AAK1: variants seen among roughly 807,000 people sequenced by gnomAD.
AAK1 encodes the protein AP2-associated protein kinase 1.
Under a neutral mutation model 116.0 loss-of-function variants are expected in AAK1, and 37 were observed. That is an observed-to-expected ratio of 0.32 (90% confidence interval 0.25 to 0.42). The LOEUF (loss-of-function observed/expected upper bound fraction) is 0.42. AAK1 is among the 10% of genes least tolerant of loss of function. The pLI, the probability that AAK1 is intolerant of heterozygous loss-of-function variation, is 1.00. For synonymous variants in AAK1, 458 were observed against 439.9 expected, an observed-to-expected ratio of 1.04 and a Z score of -0.51; for missense variants, 919 against 1,170.6, an observed-to-expected ratio of 0.79 and a Z score of 3.14.
At position 69,471,732 on chromosome 2, in the gene AAK1, G is replaced by A; in HGVS notation, c.*4137C>T. 1 of 985,416 alleles carries A rather than the reference G, an allele frequency of 1.0e-6. No individual in the cohort carries two copies. Among genetic ancestry groups the A allele is most frequent in the Non-Finnish European group, 1.2e-6 (1 of 829,926 alleles). 61.0% of individuals were successfully genotyped at this position (985,416 alleles called of 1,614,324 possible). On this transcript the variant is annotated 3_prime_UTR_variant, in exon 22 of 22. Transcript: ENST00000409085. ...GGTATCTATAGCATGTATTTATTTA[G>A]CTGAGTGCAGATCCCTCCACATCAT...
Position 69,478,956 on chromosome 2 carries a change from T to C in AAK1, c.2675A>G (p.His892Arg), listed in dbSNP as rs1674973995. 6.2e-7 allele frequency: 1 copy of C among 1,609,718 alleles called. No homozygotes were observed. The highest frequency in any genetic ancestry group is 8.5e-7 in the Non-Finnish European group (1 of 1,176,034). Residue 892 changes from histidine to arginine, a missense_variant, in exon 20 of 22, where the codon CAT becomes CGT. Physicochemically the swap from His to Arg is conservative, Grantham distance 29. Coordinates refer to ENST00000409085, the MANE Select transcript of AAK1 (RefSeq NM_014911.5). ...GAGAAGAAGAAAGCATTTACCTTTATGGACTGGAGCAGAGATTGCTGTGGG... is the reference window on the plus strand; with the variant it reads ...GAGAAGAAGAAAGCATTTACCTTTACGGACTGGAGCAGAGATTGCTGTGGG... ...FAPTAISAPV[H>R]KAAEDSNLIS...
intron 16 of AAK1, among the ~76,000 whole-genome samples, chr2:69,504,072 G>A (rs538747127): frequency 5.3e-5 from 8 of 151,752 alleles, no homozygotes; most frequent in Non-Finnish European, 1.2e-4. Context: ...TTCATTAAGT[G>A]AAAAAATTAG....
intron 13 of AAK1, among the ~76,000 whole-genome samples, chr2:69,512,660 A>C (rs1465804370): frequency 6.6e-6 from 1 of 152,252 alleles, no homozygotes; most frequent in Non-Finnish European, 1.5e-5. Flanking sequence ...CAAAGCTGAG[A>C]AGCTCTATGG....
Position 69,467,681 on chromosome 2 carries a change from G to C in AAK1, c.*8188C>G. 1 of 985,302 alleles carries C rather than the reference G, an allele frequency of 1.0e-6. No homozygotes were observed. Among genetic ancestry groups the C allele is most frequent in the African/African-American group, 1.7e-5 (1 of 57,322 alleles). 61.0% of individuals were successfully genotyped at this position (985,302 alleles called of 1,614,324 possible). On this transcript the variant is annotated 3_prime_UTR_variant, in exon 22 of 22. Transcript: ENST00000409085. ...AACTCAATGATCCCCTTCCCATACT[G>C]ACCCTCTCCCCTCCTATGCAAACCA...
Position 69,514,722 on chromosome 2 carries a change from T to C in AAK1, c.1525A>G (p.Lys509Glu), listed in dbSNP as rs6715776. 2 of 1,605,962 alleles carry C rather than the reference T, an allele frequency of 1.2e-6. No individual in the cohort carries two copies. Among genetic ancestry groups the C allele is most frequent in the South Asian group, 2.2e-5 (2 of 89,942 alleles). The change falls in exon 13 of 22, where the codon AAA becomes GAA. Residue 509 changes from lysine (K) to glutamate (E), a missense_variant. By Grantham distance (56) the Lys-to-Glu change is moderately conservative (BLOSUM62 1). Transcript: ENST00000409085. ...QFQAVHPATQ[K>E]PAIAQFPVVS... The stretch of plus-strand genomic sequence containing the variant: ...ACAGGGAACTGAGCAATTGCTGGTT[T>C]CTGGGTTGCTGGATGTACTGCCTGA...
At chr2:69,488,179 T>TGTGTGTGTGTGTGTGTGTGTG (rs1572887799) in intron 17 of AAK1, among the ~76,000 whole-genome samples, 2 of 151,356 alleles carry the variant, frequency 1.3e-5, no homozygotes, top group African/African-American at 4.9e-5. Context: ...TGTGTGTGTG[T>TGTGTGTGTGTGTGTGTGTGTG]TTGAGGGAGG....
In AAK1 at chr2:69,475,087, A is replaced by C. The variant is rs1389731541; in HGVS notation, c.*782T>G. ...AACAGTTAACATGAAAAGGAATGGC[A>C]ATACTTGGGATTTATATAACGTACA... On this transcript the variant is annotated 3_prime_UTR_variant, in exon 22 of 22. Coordinates refer to ENST00000409085, the MANE Select transcript of AAK1 (RefSeq NM_014911.5). 2.0e-6 allele frequency: 2 copies of C among 985,326 alleles called. No homozygotes were observed. Among genetic ancestry groups the C allele is most frequent in the African/African-American group, 1.8e-5 (1 of 57,056 alleles). The allele number at this position is 985,326 out of a possible 1,614,324, so 61.0% of individuals were successfully genotyped here.
intron 2 of AAK1, among the ~76,000 whole-genome samples, chr2:69,618,268 TAATA>T (rs1674431209): frequency 1.3e-5 from 2 of 151,918 alleles, no homozygotes; most frequent in African/African-American, 2.4e-5. Context: ...TTCAATATAC[TAATA>T]TATAAGTAAA....
At chr2:69,506,597 T>C (rs1676193826) in intron 15 of AAK1, among the ~76,000 whole-genome samples, 1 of 152,216 alleles carries the variant, frequency 6.6e-6, no homozygotes, top group Non-Finnish European at 1.5e-5. Context: ...ACTCCTGGGC[T>C]CAAGTGATTC....
chr2:69,549,084 T>A (rs1328567312), intron 3 of AAK1, among the ~76,000 whole-genome samples: 1 of 151,998 alleles, frequency 6.6e-6, no homozygotes, highest in Non-Finnish European at 1.5e-5. Flanking sequence ...TCTAAACAGG[T>A]AAGGCTGGGC....
In AAK1 at chr2:69,509,448, C is replaced by T; in HGVS notation, c.1789G>A (p.Val597Ile). 1.2e-6 allele frequency: 2 copies of T among 1,613,462 alleles called. No individual in the cohort carries two copies. The highest frequency in any genetic ancestry group is 8.5e-7 in the Non-Finnish European group (1 of 1,179,688). Reference sequence around the variant, plus strand: ...GTCTGAACCTTTGGCTGTTGTCTTACTGGGGCTTGAATCTGCTAGGAAGAG... The same window carrying T: ...GTCTGAACCTTTGGCTGTTGTCTTATTGGGGCTTGAATCTGCTAGGAAGAG... ...PAQEPAIQAPVRQQPKVQTTP... is the reference protein window; with the variant it reads ...PAQEPAIQAPIRQQPKVQTTP... The change falls in exon 14 of 22, where the codon GTA (valine) becomes ATA (isoleucine). Residue 597 changes from valine to isoleucine, a missense_variant. Physicochemically the swap from Val to Ile is conservative, Grantham distance 29. Transcript: ENST00000409085.
At chr2:69,593,161 T>TC (rs1673108949) in intron 2 of AAK1, among the ~76,000 whole-genome samples, 1 of 152,220 alleles carries the variant, frequency 6.6e-6, no homozygotes, top group African/African-American at 2.4e-5. Flanking sequence ...CATCCATTGA[T>TC]CCAACAATTA....
Position 69,479,041 on chromosome 2 carries a change from A to C in AAK1, c.2590T>G (p.Ser864Ala), listed in dbSNP as rs767513194. The C allele has an allele frequency of 1.2e-6, 2 of 1,613,602 alleles. No homozygotes were observed. The highest frequency in any genetic ancestry group is 2.2e-5 in the South Asian group (2 of 91,070). The change falls in exon 20 of 22, where the codon TCC (serine) becomes GCC (alanine). Residue 864 changes from serine to alanine, a missense_variant. By Grantham distance (99) the Ser-to-Ala change is moderately conservative (BLOSUM62 1). This residue lies in a region of AAK1 where 263 missense variants were observed against 285.5 expected (regional missense o/e 0.92). Transcript: ENST00000409085. ...NRTDSLTGED[S>A]LLDCSLLSNP... ...GAGAGCAGAGAGCAATCAAGCAGGG[A>C]ATCTTCCCCGGTGAGAGAATCTGAG... is the stretch of plus-strand genomic sequence containing the variant.
rs1215463167 is a variant in AAK1 at position 69,458,609 on chromosome 2, T to G, written c.*17260A>C. ...TTTTGGCAAAAGGAACTACATTTAC[T>G]CATGCCAAATACCTATGGTCACTTC... On this transcript the variant is annotated 3_prime_UTR_variant, in exon 22 of 22. Transcript: ENST00000409085. 6.6e-6 allele frequency: 1 copy of G among 152,620 alleles called. No homozygotes were observed. Among genetic ancestry groups the G allele is most frequent in the African/African-American group, 2.4e-5 (1 of 41,442 alleles). 9.5% of individuals were successfully genotyped at this position (152,620 alleles called of 1,614,324 possible).
intron 17 of AAK1, among the ~76,000 whole-genome samples, chr2:69,491,242 T>C (rs1675510677): frequency 6.6e-6 from 1 of 152,142 alleles, no homozygotes; most frequent in Non-Finnish European, 1.5e-5. Flanking sequence ...TGGCCCAGCC[T>C]CTTTTCTACC....
Position 69,579,661 on chromosome 2 carries a change from C to A in AAK1, c.164-22683G>T, listed in dbSNP as rs142073048. On this transcript the variant is annotated intron_variant, in intron 2 of 21. Coordinates refer to ENST00000409085, the MANE Select transcript of AAK1 (RefSeq NM_014911.5). ...GGACATGACATGCTCAGTATTTCCCCTACATCTCTGTCCACTTCTTGATCT... is the reference window on the plus strand; with the variant it reads ...GGACATGACATGCTCAGTATTTCCCATACATCTCTGTCCACTTCTTGATCT... 5.3e-4 allele frequency among the ~76,000 whole-genome samples: 80 copies of A among 152,266 alleles called. No homozygotes were observed. In the South Asian group the frequency reaches 8.1e-3, roughly 15 times the overall value.
rs752636813 is a variant in AAK1, at chr2:69,507,516, G to A, written c.2069C>T (p.Ser690Leu). The change falls in exon 15 of 22, where the codon TCA (serine) becomes TTA (leucine). Residue 690 changes from serine to leucine, a missense_variant. Physicochemically the swap from Ser to Leu is moderately radical, Grantham distance 145. This residue lies in a region of AAK1 where 125 missense variants were observed against 184.1 expected (regional missense o/e 0.68). Coordinates refer to ENST00000409085, the MANE Select transcript of AAK1 (RefSeq NM_014911.5). ...AAAGGGATTCCACGTAGACCCTTCT[G>A]AAGGATTATAAACGTTTTGTTGAGA... ...RTSQQNVYNP[S>L]EGSTWNPFDD... 7.4e-6 allele frequency: 12 copies of A among 1,612,380 alleles called. No individual in the cohort carries two copies. Among genetic ancestry groups the A allele is most frequent in the Middle Eastern group, 1.6e-4 (1 of 6,084 alleles).
chr2:69,618,074 G>A (rs1030036164), intron 2 of AAK1, among the ~76,000 whole-genome samples: 7 of 152,100 alleles, frequency 4.6e-5, no homozygotes, highest in African/African-American at 1.7e-4. Context: ...GCATAAAAGT[G>A]AAAGGTAAGC....
At chr2:69,605,782 T>C (rs1673773082) in intron 2 of AAK1, among the ~76,000 whole-genome samples, 1 of 152,226 alleles carries the variant, frequency 6.6e-6, no homozygotes, top group Non-Finnish European at 1.5e-5. Flanking sequence ...TGCCTCTTTA[T>C]AGTCATCCTC....
Sources: gnomAD v4.1 joint callset for allele counts (sites outside exome capture counted in the v4.1 genomes callset) on GRCh38, gnomAD v4.1.1 for gene constraint, gnomAD v4.1.1 regional missense constraint, MANE v1.5 for transcripts, NCBI Gene and HGNC (gene_info 2026-07-23, HGNC 2026-07-21) for gene names.